The following UBA6 variants were observed in gnomAD, a reference collection of about 807,000 sequenced individuals.
UBA6 encodes the protein ubiquitin like modifier activating enzyme 6.
In UBA6, 87 loss-of-function variants were observed where a neutral mutation model predicts 148.3. The ratio of observed to expected loss-of-function variants is 0.59; its 90% confidence interval spans 0.49 to 0.70. The LOEUF (loss-of-function observed/expected upper bound fraction) is 0.70. UBA6 is among the 30% of genes least tolerant of loss of function. The pLI is 0.00. For missense variants in UBA6, 1,186 were observed against 1,241.2 expected (o/e 0.96, Z 0.67); for synonymous variants, 376 against 401.0 (o/e 0.94, Z 0.75).
intron 2 of UBA6, among the ~76,000 whole-genome samples, chr4:67,692,813 G>A (rs535986662): frequency 6.6e-6 from 1 of 152,238 alleles, no homozygotes; most frequent in South Asian, 2.1e-4. Context: ...CAATGCTATG[G>A]AAGAGAACCC....
Position 67,665,171 on chromosome 4 carries a change from C to CA in UBA6, c.897+17_897+18insT. 6.8e-7 allele frequency: 1 copy of CA among 1,479,494 alleles called. No homozygotes were observed. Among genetic ancestry groups the CA allele is most frequent in the African/African-American group, 1.4e-5 (1 of 69,806 alleles). The allele number at this position is 1,479,494 out of a possible 1,614,324, so 91.6% of individuals were successfully genotyped here. ...TTCTGTAAAAAAATGTTTTTTAAGCCGAAAAAAAAATACTTACAAAAAAAA... is the reference window on the plus strand; with the variant it reads ...TTCTGTAAAAAAATGTTTTTTAAGCCAGAAAAAAAAATACTTACAAAAAAAA... On this transcript the variant is annotated intron_variant, in intron 10 of 32. Coordinates refer to ENST00000322244, the MANE Select transcript of UBA6 (RefSeq NM_018227.6).
chr4:67,696,559 G>T, intron 2 of UBA6, 86 bp downstream of exon 2: 1 of 1,004,756 alleles, frequency 1.0e-6, no homozygotes, highest in Non-Finnish European at 1.5e-6. Flanking sequence ...TTCTGCATAG[G>T]CTGAATGGTA....
intron 17 of UBA6, 31 bp downstream of exon 17, chr4:67,644,665 TAA>T (rs754657861): frequency 8.0e-7 from 1 of 1,250,244 alleles, no homozygotes; most frequent in Non-Finnish European, 1.2e-6. Flanking sequence ...AACAGAAATA[TAA>T]ACTTTTAACT....
chr4:67,672,324 A>G (rs932549146), intron 7 of UBA6, among the ~76,000 whole-genome samples: 1 of 152,214 alleles, frequency 6.6e-6, no homozygotes, highest in African/African-American at 2.4e-5. Flanking sequence ...ATATCACCAC[A>G]CATCATATAG....
Position 67,663,151 on chromosome 4 carries a change from T to A in UBA6, c.1025A>T (p.Lys342Met). 1.2e-6 allele frequency: 2 copies of A among 1,610,678 alleles called. No individual in the cohort carries two copies. Among genetic ancestry groups the A allele is most frequent in the Non-Finnish European group, 8.5e-7 (1 of 1,178,666 alleles). ...LDQFQEKYSR[K>M]PNVGCQQDSE... ...CTTAAAACATTACCCAACATTTGGCTTGCGACTGTATTTCTCCTGAAACTG... is the reference window on the plus strand; with the variant it reads ...CTTAAAACATTACCCAACATTTGGCATGCGACTGTATTTCTCCTGAAACTG... The change falls in exon 12 of 33, where the codon AAG becomes ATG. Residue 342 changes from lysine to methionine, a missense_variant. Transcript: ENST00000322244.
chr4:67,687,006 C>T (rs1329591879), intron 2 of UBA6, among the ~76,000 whole-genome samples: 4 of 138,300 alleles, frequency 2.9e-5, no homozygotes, highest in African/African-American at 8.0e-5. Flanking sequence ...AACAACCTAC[C>T]GTTTTTACAT....
intron 19 of UBA6, among the ~76,000 whole-genome samples, chr4:67,636,474 C>T (rs1729143590): frequency 6.6e-6 from 1 of 152,240 alleles, no homozygotes; most frequent in Non-Finnish European, 1.5e-5. Context: ...GCCATCTCAG[C>T]TCACTGCAAC....
At chr4:67,668,814 G>A in intron 8 of UBA6, 140 bp from the exon 9 acceptor site, 1 of 714,756 alleles carries the variant, frequency 1.4e-6, no homozygotes, top group Non-Finnish European at 2.3e-6. Flanking sequence ...GTTAGTAAAA[G>A]CAAGCCTTTA....
rs144018013 is a variant in UBA6 at position 67,697,042 on chromosome 4, G to A, written c.72-335C>T. ...TTTTTTGAGATGGGAGTCTCACTCT[G>A]TTACCGAGACTGGAGTGCAGAGGCA... On this transcript the variant is annotated intron_variant, in intron 1 of 32. Transcript: ENST00000322244. 5.0e-3 allele frequency among the ~76,000 whole-genome samples: 757 copies of A among 152,184 alleles called. 9 individuals are homozygous for A. The highest frequency in any genetic ancestry group is 0.017 in the African/African-American group (711 of 41,530).
At chr4:67,681,612 G>A in intron 3 of UBA6, 21 bp from the exon 4 acceptor site, 1 of 1,564,880 alleles carries the variant, frequency 6.4e-7, no homozygotes. Flanking sequence ...AAAAGAAAAA[G>A]GAATAGCTCA....
intron 2 of UBA6, among the ~76,000 whole-genome samples, chr4:67,692,849 TG>T (rs1730726962): frequency 6.6e-6 from 1 of 152,188 alleles, no homozygotes; most frequent in African/African-American, 2.4e-5. Context: ...CATTAAAGTC[TG>T]GAAGATTATA....
chr4:67,629,046 T>C, intron 27 of UBA6, 25 bp downstream of exon 27: 2 of 1,518,874 alleles, frequency 1.3e-6, no homozygotes, highest in East Asian at 2.3e-5. Context: ...AACTATTTGC[T>C]GAATGAATGA....
intron 12 of UBA6, 158 bp downstream of exon 12, chr4:67,662,981 C>T: frequency 2.2e-6 from 1 of 455,042 alleles, no homozygotes; most frequent in Non-Finnish European, 3.9e-6. Context: ...TCCACTCCCA[C>T]CAGGAAAAGG....
At chr4:67,621,905 A>G (rs1728760593) in intron 32 of UBA6, among the ~76,000 whole-genome samples, 1 of 152,184 alleles carries the variant, frequency 6.6e-6, no homozygotes, top group Admixed American at 6.6e-5. Context: ...GAGAAGAGTA[A>G]AGGGGACTAG....
intron 16 of UBA6, 47 bp from the exon 17 acceptor site, chr4:67,644,825 G>T: frequency 1.1e-6 from 1 of 914,142 alleles, no homozygotes; most frequent in Non-Finnish European, 1.7e-6. Flanking sequence ...TAACCTATCT[G>T]TGAATCATTT....
intron 2 of UBA6, among the ~76,000 whole-genome samples, chr4:67,693,614 A>G (rs1730751125): frequency 6.6e-6 from 1 of 152,226 alleles, no homozygotes; most frequent in African/African-American, 2.4e-5. Context: ...TACTACAATA[A>G]TAACTTTTTA....
chr4:67,633,274 G>A, intron 23 of UBA6, 71 bp downstream of exon 23: 1 of 1,343,080 alleles, frequency 7.4e-7, no homozygotes. Flanking sequence ...TCAGGTCAAT[G>A]AAATTAATTT....
Position 67,623,212 on chromosome 4 carries a change from A to G in UBA6, c.2851T>C (p.Ser951Pro). The change falls in exon 31 of 33, where the codon TCA becomes CCA. Residue 951 changes from serine (S) to proline (P), a missense_variant. Ser to Pro is a moderately conservative substitution (Grantham distance 74). Coordinates refer to ENST00000322244, the MANE Select transcript of UBA6 (RefSeq NM_018227.6). Reference sequence around the variant, plus strand: ...GTCCATCGATCCCAAATTGTAAATGATATTCCATTTCTGTTACAGAAAAAT... The same window carrying G: ...GTCCATCGATCCCAAATTGTAAATGGTATTCCATTTCTGTTACAGAAAAAT... The part of the protein sequence containing the change: ...VRKTKIRNGI[S>P]FTIWDRWTVH... 6.2e-7 allele frequency: 1 copy of G among 1,610,984 alleles called. No homozygotes were observed. Among genetic ancestry groups the G allele is most frequent in the Non-Finnish European group, 8.5e-7 (1 of 1,177,648 alleles).
chr4:67,646,661 T>C (rs957004790), intron 15 of UBA6, 63 bp downstream of exon 15: 4 of 1,270,830 alleles, frequency 3.1e-6, no homozygotes, highest in Admixed American at 3.8e-5. Context: ...CAAAGGTATG[T>C]TTAGACAAAA....
Sources: gnomAD v4.1 joint callset for allele counts (sites outside exome capture counted in the v4.1 genomes callset) on GRCh38, gnomAD v4.1.1 for gene constraint, MANE v1.5 for transcripts, NCBI Gene and HGNC (gene_info 2026-07-23, HGNC 2026-07-21) for gene names.